ADAMTS6: variants seen among roughly 807,000 people sequenced by gnomAD.
ADAMTS6 encodes the protein A disintegrin and metalloproteinase with thrombospondin motifs 6.
A neutral mutation model predicts 144.3 loss-of-function variants in ADAMTS6; 23 were observed. The ratio of observed to expected loss-of-function variants is 0.16; its 90% confidence interval spans 0.11 to 0.23. The LOEUF (loss-of-function observed/expected upper bound fraction) is 0.23. Among genes scored for constraint, ADAMTS6 ranks in the 10% least tolerant of loss-of-function variants. The pLI, the probability that ADAMTS6 is intolerant of heterozygous loss-of-function variation, is 1.00. For synonymous variants in ADAMTS6, 444 were observed against 457.5 expected (o/e 0.97, Z 0.38); for missense variants, 999 against 1,379.6 (o/e 0.72, Z 4.37).
intron 7 of ADAMTS6, among the ~76,000 whole-genome samples, chr5:65,432,094 G>C (rs1437972106): frequency 6.6e-6 from 1 of 152,012 alleles, no homozygotes; most frequent in Non-Finnish European, 1.5e-5. Flanking sequence ...TTAAGGTGTA[G>C]AGAACTTATG....
chr5:65,381,621 G>A (rs1408489494), intron 7 of ADAMTS6, among the ~76,000 whole-genome samples: 5 of 145,694 alleles, frequency 3.4e-5, no homozygotes, highest in Non-Finnish European at 7.4e-5. Flanking sequence ...CCTGACCTCA[G>A]GTGATCCACC....
At chr5:65,152,890 T>C (rs1295687395) in intron 24 of ADAMTS6, among the ~76,000 whole-genome samples, 1 of 152,250 alleles carries the variant, frequency 6.6e-6, no homozygotes, top group African/African-American at 2.4e-5. Context: ...ACATGCCTGC[T>C]AGAACCAAAG....
intron 7 of ADAMTS6, among the ~76,000 whole-genome samples, chr5:65,380,285 C>A (rs1336710337): frequency 6.6e-6 from 1 of 151,834 alleles, no homozygotes; most frequent in Non-Finnish European, 1.5e-5. Flanking sequence ...TAAAAATATA[C>A]TGGGGGCCGG....
intron 18 of ADAMTS6, among the ~76,000 whole-genome samples, chr5:65,216,157 T>C (rs1204171334): frequency 2.6e-5 from 4 of 152,172 alleles, no homozygotes; most frequent in South Asian, 2.1e-4. Context: ...GTAGCACTAT[T>C]TCCAGTAGCA....
intron 7 of ADAMTS6, among the ~76,000 whole-genome samples, chr5:65,433,030 GC>G (rs1401341658): frequency 1.3e-5 from 2 of 151,964 alleles, no homozygotes; most frequent in Non-Finnish European, 2.9e-5. Flanking sequence ...CCCAAATGAG[GC>G]CATTTTCTTT....
chr5:65,247,927 T>G (rs1759773830), intron 14 of ADAMTS6, among the ~76,000 whole-genome samples: 1 of 152,172 alleles, frequency 6.6e-6, no homozygotes, highest in East Asian at 1.9e-4. Flanking sequence ...AAACAACATA[T>G]TCTTAGTAGA....
At chr5:65,277,308 T>C (rs1762619357) in intron 11 of ADAMTS6, among the ~76,000 whole-genome samples, 1 of 152,194 alleles carries the variant, frequency 6.6e-6, no homozygotes, top group Non-Finnish European at 1.5e-5. Flanking sequence ...TTAGAATTCA[T>C]GGGCACTTCA....
intron 21 of ADAMTS6, among the ~76,000 whole-genome samples, chr5:65,191,841 A>C (rs552989304): frequency 2.2e-4 from 33 of 152,268 alleles, no homozygotes; most frequent in African/African-American, 7.0e-4. Context: ...AGTTGTAGCA[A>C]CTGAGAATGT....
intron 1 of ADAMTS6, among the ~76,000 whole-genome samples, chr5:65,475,208 A>C (rs1358409292): frequency 6.6e-6 from 1 of 152,188 alleles, no homozygotes; most frequent in Non-Finnish European, 1.5e-5. Flanking sequence ...TTAACTGTAA[A>C]ATTAACTTAT....
intron 7 of ADAMTS6, among the ~76,000 whole-genome samples, chr5:65,371,629 C>A (rs200308681): frequency 6.6e-6 from 1 of 152,042 alleles, no homozygotes; most frequent in South Asian, 2.1e-4. Flanking sequence ...TGTGAAAAGA[C>A]CAAATCTACG....
rs1477277620 is a variant in ADAMTS6 at position 65,391,018 on chromosome 5, G to A, written c.1074-56933C>T. ...CACCCAGGCTGGAGTGCAGTAGCAC[G>A]ATCTCTGTTCACCCACCTCAGCCCC... On this transcript the variant is annotated intron_variant, in intron 7 of 24. Coordinates refer to ENST00000381055, the MANE Select transcript of ADAMTS6 (RefSeq NM_197941.4). Among the ~76,000 whole-genome samples, 5 of 150,570 alleles carry A rather than the reference G, an allele frequency of 3.3e-5. No homozygotes were observed. The East Asian group carries it at 7.8e-4, about 23-fold the overall frequency.
intron 9 of ADAMTS6, among the ~76,000 whole-genome samples, chr5:65,308,648 G>A (rs1258719227): frequency 6.6e-6 from 1 of 152,054 alleles, no homozygotes; most frequent in Non-Finnish European, 1.5e-5. Flanking sequence ...AACTCTCCCT[G>A]GATGGCCCTA....
At chr5:65,351,915 T>C (rs1748886515) in intron 7 of ADAMTS6, among the ~76,000 whole-genome samples, 1 of 152,212 alleles carries the variant, frequency 6.6e-6, no homozygotes, top group Non-Finnish European at 1.5e-5. Flanking sequence ...CTTGCTAACA[T>C]GGAAGTACAC....
chr5:65,260,378 T>C (rs957465214), intron 14 of ADAMTS6, among the ~76,000 whole-genome samples: 1 of 152,102 alleles, frequency 6.6e-6, no homozygotes, highest in Non-Finnish European at 1.5e-5. Flanking sequence ...TGATATCTGT[T>C]GGGGAAGAAT....
At chr5:65,339,396 G>A (rs146499077) in intron 7 of ADAMTS6, among the ~76,000 whole-genome samples, 1 of 150,262 alleles carries the variant, frequency 6.7e-6, no homozygotes, top group East Asian at 2.0e-4. Flanking sequence ...ATTAGAAGAG[G>A]TAGCTTTTCT....
intron 7 of ADAMTS6, among the ~76,000 whole-genome samples, chr5:65,351,466 A>G (rs573364155): frequency 3.0e-4 from 46 of 152,364 alleles, no homozygotes; most frequent in African/African-American, 6.0e-4. Flanking sequence ...GGGAATCACA[A>G]TATGTTATAA....
intron 10 of ADAMTS6, among the ~76,000 whole-genome samples, chr5:65,294,910 T>C (rs1308914448): frequency 2.6e-5 from 4 of 151,212 alleles, no homozygotes; most frequent in Middle Eastern, 6.8e-3. Flanking sequence ...AATTTTACTG[T>C]CTAATTATTC....
intron 9 of ADAMTS6, among the ~76,000 whole-genome samples, chr5:65,300,750 T>A (rs1020229014): frequency 2.6e-5 from 4 of 151,798 alleles, no homozygotes; most frequent in Non-Finnish European, 4.4e-5. Flanking sequence ...TCCTGCCTCA[T>A]CCTCCCGAGT....
chr5:65,415,651 G>C lies in ADAMTS6; in HGVS notation c.1073+35824C>G, dbSNP rs372221488. ...GATTTTTTTCGGGGGCTCTCTCAAG[G>C]ATGAGGTTTTGAAGATTATGTCAGT... On this transcript the variant is annotated intron_variant, in intron 7 of 24. Transcript: ENST00000381055. The C allele has an allele frequency of 8.9e-5, 26 of 291,176 alleles. No homozygotes were observed. In the East Asian group the frequency reaches 2.3e-3, roughly 25 times the overall value. 18.0% of individuals were successfully genotyped at this position (291,176 alleles called of 1,614,324 possible).
Sources: allele counts gnomAD v4.1 joint callset (sites outside exome capture counted in the v4.1 genomes callset), GRCh38; gene constraint gnomAD v4.1.1; transcripts MANE v1.5; gene names NCBI Gene and HGNC (gene_info 2026-07-23, HGNC 2026-07-21).